MAST3: variants seen among roughly 807,000 people sequenced by gnomAD.
The protein encoded by MAST3 is microtubule associated serine/threonine kinase 3.
In MAST3, 43 loss-of-function variants were observed where a neutral mutation model predicts 127.0. The ratio of observed to expected loss-of-function variants is 0.34; its 90% CI spans 0.27 to 0.44. MAST3 has a LOEUF of 0.44. Ranked by LOEUF, MAST3 falls within the 20% of genes least tolerant of loss-of-function variation. The pLI is 1.00. For missense variants in MAST3, 1,390 were observed against 1,919.1 expected (o/e 0.72, Z 5.15); for synonymous variants, 785 against 809.2 (o/e 0.97, Z 0.51).
chr19:18,114,604 AC>A (rs1332176445), intron 3 of MAST3, among the ~76,000 whole-genome samples: 2 of 152,086 alleles, frequency 1.3e-5, no homozygotes, highest in African/African-American at 4.8e-5. Flanking sequence ...CATATCGTAG[AC>A]TCAGGGCAGG....
chr19:18,121,609 T>G (rs1000576267), intron 3 of MAST3, 76 bp from the exon 4 acceptor site: 28 of 1,233,214 alleles, frequency 2.3e-5, no homozygotes, highest in Non-Finnish European at 3.3e-5. Context: ...GGGCTGCGAG[T>G]GTGATTTAGG....
intron 5 of MAST3, 112 bp downstream of exon 5, chr19:18,122,034 C>A: frequency 6.6e-7 from 1 of 1,512,370 alleles, no homozygotes; most frequent in Non-Finnish European, 8.9e-7. Flanking sequence ...TCACCTTTTC[C>A]CCTCCCCTGG....
intron 2 of MAST3, among the ~76,000 whole-genome samples, chr19:18,108,753 C>T (rs904634817): frequency 3.9e-5 from 6 of 151,954 alleles, no homozygotes; most frequent in Admixed American, 3.3e-4. Context: ...AACCAAAGGC[C>T]GGGGTGGGGA....
chr19:18,108,524 C>T (rs1194429204), intron 2 of MAST3, among the ~76,000 whole-genome samples: 1 of 152,000 alleles, frequency 6.6e-6, no homozygotes, highest in African/African-American at 2.4e-5. Context: ...CACATGCGAG[C>T]CTCCACACCT....
chr19:18,111,996 C>CT (rs1748581080), intron 3 of MAST3, among the ~76,000 whole-genome samples: 1 of 152,216 alleles, frequency 6.6e-6, no homozygotes, highest in African/African-American at 2.4e-5. Context: ...TCTCAGTCAG[C>CT]TTAGGGAATT....
chr19:18,103,328 A>G (rs1445929390), intron 1 of MAST3, among the ~76,000 whole-genome samples: 1 of 152,160 alleles, frequency 6.6e-6, no homozygotes, highest in African/African-American at 2.4e-5. Flanking sequence ...GCTTGAGGTC[A>G]GGAGGTCAAG....
At position 18,147,054 on chromosome 19, in the gene MAST3, G is replaced by T; in HGVS notation, c.3326+10G>T. On this transcript the variant is annotated intron_variant, in intron 26 of 27. Transcript: ENST00000687212. The stretch of plus-strand genomic sequence containing the variant: ...TGACCACCAGGGAGCGGTACACAGG[G>T]GGCGGGGCCACGGGGACTGGGGTTC... The T allele has an allele frequency of 6.5e-7, 1 of 1,527,934 alleles. No individual in the cohort carries two copies. Among genetic ancestry groups the T allele is most frequent in the Non-Finnish European group, 8.8e-7 (1 of 1,139,104 alleles). 94.6% of individuals were successfully genotyped at this position (1,527,934 alleles called of 1,614,324 possible). A position where few individuals can be genotyped will look rare whatever the true frequency, so the allele number is the denominator to read the frequency against.
At chr19:18,098,277 G>T (rs2037180179) in intron 1 of MAST3, among the ~76,000 whole-genome samples, 1 of 152,164 alleles carries the variant, frequency 6.6e-6, no homozygotes, top group Non-Finnish European at 1.5e-5. Context: ...ACGACCTGGG[G>T]AGGTTGGGGC....
intron 14 of MAST3, among the ~76,000 whole-genome samples, 154 bp from the exon 15 acceptor site, chr19:18,131,755 C>G (rs1188946603): frequency 1.3e-5 from 2 of 152,274 alleles, no homozygotes; most frequent in African/African-American, 4.8e-5. Flanking sequence ...CGCCCCTTCC[C>G]TCTCCCCCGA....
intron 15 of MAST3, among the ~76,000 whole-genome samples, chr19:18,132,774 A>G (rs2041461848): frequency 6.6e-6 from 1 of 152,180 alleles, no homozygotes; most frequent in Admixed American, 6.6e-5. Context: ...CATTTCTCAC[A>G]TACATGTGTG....
chr19:18,126,600 C>A (rs562967392), intron 11 of MAST3, among the ~76,000 whole-genome samples: 3 of 152,086 alleles, frequency 2.0e-5, no homozygotes, highest in African/African-American at 7.2e-5. Context: ...ACTGAGATCT[C>A]GTCTCTATTA....
chr19:18,138,208 GAAA>G (rs72398038), intron 19 of MAST3, among the ~76,000 whole-genome samples: 18 of 142,910 alleles, frequency 1.3e-4, no homozygotes, highest in East Asian at 6.2e-4. Flanking sequence ...AAAACTGCCT[GAAA>G]AAAAAAAAAA....
chr19:18,123,944 A>C lies in MAST3; in HGVS notation c.639A>C (p.Thr213=). ...CCCCGTCTCGCCCCACCCAGGCCAC[A>C]GCACAGATGGAGGGCCGTCTGCAGG... is the stretch of plus-strand genomic sequence containing the variant. ...HVYRERFPKA[T]AQMEGRLQEF... The change falls in exon 9 of 28, where the codon ACA becomes ACC. Residue 213 remains threonine (T), a synonymous_variant. Coordinates refer to ENST00000687212, the MANE Select transcript of MAST3 (RefSeq NM_001393504.1). 2 of 1,564,738 alleles carry C rather than the reference A, an allele frequency of 1.3e-6. No homozygotes were observed. Among genetic ancestry groups the C allele is most frequent in the Non-Finnish European group, 1.7e-6 (2 of 1,160,392 alleles).
chr19:18,109,868 A>T, intron 2 of MAST3: 1 of 899,296 alleles, frequency 1.1e-6, no homozygotes, highest in Non-Finnish European at 1.3e-6. Flanking sequence ...CTGCGCTCAG[A>T]TCCCGGCTCC....
chr19:18,144,109 C>A lies in MAST3; in HGVS notation c.2584+102C>A. ...AGGATGAGTAGGAGTTCTCCAGAGC[C>A]AACAAAGGCTTTAAGAGAGGAGAAG... On this transcript the variant is annotated intron_variant, in intron 22 of 27. Transcript: ENST00000687212. The surrounding 1 kb of genome is among the most constrained non-coding windows in gnomAD (Gnocchi z 4.0). The A allele has an allele frequency of 6.9e-7, 1 of 1,440,842 alleles. No individual in the cohort carries two copies. The highest frequency in any genetic ancestry group is 9.2e-7 in the Non-Finnish European group (1 of 1,085,516). 89.3% of individuals were successfully genotyped at this position (1,440,842 alleles called of 1,614,324 possible).
chr19:18,107,526 C>T (rs886662413), intron 1 of MAST3, 61 bp from the exon 2 acceptor site: 81 of 1,547,742 alleles, frequency 5.2e-5, no homozygotes, highest in Non-Finnish European at 6.5e-5. Context: ...GGTGCATCAA[C>T]GGCCAGGGGT....
intron 1 of MAST3, among the ~76,000 whole-genome samples, chr19:18,105,184 T>C (rs958903036): frequency 2.6e-5 from 4 of 151,700 alleles, no homozygotes; most frequent in Non-Finnish European, 4.4e-5. Context: ...CTGGGCAACA[T>C]AGTGAAACCT....
At chr19:18,141,807 G>C in intron 20 of MAST3, 75 bp from the exon 21 acceptor site, 1 of 1,205,692 alleles carries the variant, frequency 8.3e-7, no homozygotes, top group Non-Finnish European at 1.1e-6. Flanking sequence ...CCTCCCAGCT[G>C]GGCCTCTGAA....
In MAST3 at chr19:18,123,987, G is replaced by C. The variant is rs765831120; in HGVS notation, c.682G>C (p.Ala228Pro). ...GRLQEFLTAY[A>P]PGARLALADG... ...TCTGCAGGAGTTCCTGACGGCCTAC[G>C]CGCCCGGCGCCCGGCTGGCGCTGGC... is the stretch of plus-strand genomic sequence containing the variant. Residue 228 changes from alanine to proline, a missense_variant, in exon 9 of 28, where the codon GCG becomes CCG. This residue lies in a region of MAST3 where 277 missense variants were observed against 384.8 expected (regional missense o/e 0.72). Coordinates refer to ENST00000687212, the MANE Select transcript of MAST3 (RefSeq NM_001393504.1). The C allele has an allele frequency of 6.3e-7, 1 of 1,588,620 alleles. No homozygotes were observed. Among genetic ancestry groups the C allele is most frequent in the Non-Finnish European group, 8.6e-7 (1 of 1,169,308 alleles).
Sources: allele counts gnomAD v4.1 joint callset (sites outside exome capture counted in the v4.1 genomes callset), GRCh38; gene constraint gnomAD v4.1.1; regional missense constraint gnomAD v4.1.1; non-coding constraint Gnocchi (gnomAD v3.1); transcripts MANE v1.5; gene names NCBI Gene and HGNC (gene_info 2026-07-23, HGNC 2026-07-21).